The following ST3GAL1 variants were observed in gnomAD, a reference collection of about 807,000 sequenced individuals.
The protein encoded by ST3GAL1 is ST3 beta-galactoside alpha-2,3-sialyltransferase 1.
ST3GAL1 carries 16 observed loss-of-function variants against 34.1 expected under a neutral mutation model. The ratio of observed to expected loss-of-function variants is 0.47; its 90% CI spans 0.32 to 0.71. The LOEUF (loss-of-function observed/expected upper bound fraction) is 0.71. Ranked by LOEUF, ST3GAL1 falls within the 30% of genes least tolerant of loss-of-function variation. ST3GAL1 has a pLI of 0.04. For synonymous variants in ST3GAL1, 191 were observed against 184.7 expected (o/e 1.03, Z -0.28); for missense variants, 353 against 447.4 (o/e 0.79, Z 1.90).
chr8:133,526,404 G>A (rs1817975923), intron 2 of ST3GAL1, among the ~76,000 whole-genome samples: 1 of 152,096 alleles, frequency 6.6e-6, no homozygotes, highest in Non-Finnish European at 1.5e-5. Flanking sequence ...CAACCACCCA[G>A]GGCCACAAAA....
rs60331809 is a variant in ST3GAL1, at chr8:133,543,326, T to C, written c.-429+2448A>G. Among the ~76,000 whole-genome samples, 217 of 152,350 alleles carry C rather than the reference T, an allele frequency of 1.4e-3. 1 individual carries two copies. The highest frequency in any genetic ancestry group is 5.1e-3 in the African/African-American group (212 of 41,588). The stretch of plus-strand genomic sequence containing the variant: ...AAAGACACATGCCAACTGGCTTTTC[T>C]TTTGCCTTGAAGGAATTTAGCAGGG... On this transcript the variant is annotated intron_variant, in intron 2 of 9. Coordinates refer to ENST00000522652, the MANE Select transcript of ST3GAL1 (RefSeq NM_173344.3).
At position 133,553,674 on chromosome 8, in the gene ST3GAL1, C is replaced by T. The variant is rs139167598; in HGVS notation, c.-581-7748G>A. On this transcript the variant is annotated intron_variant, in intron 1 of 9. Transcript: ENST00000522652. ...TGGTATGCTTGTTGAGAAGTGGTAGCGAGTATCTTTCTGTTATCATCATTT... is the reference window on the plus strand; with the variant it reads ...TGGTATGCTTGTTGAGAAGTGGTAGTGAGTATCTTTCTGTTATCATCATTT... Among the ~76,000 whole-genome samples the T allele has an allele frequency of 4.1e-4, 62 of 152,248 alleles. 1 individual carries two copies. The East Asian group carries it at 0.01, about 25-fold the overall frequency.
Position 133,541,152 on chromosome 8 carries a change from G to GAGAGAGAC in ST3GAL1, c.-429+4621_-429+4622insGTCTCTCT, listed in dbSNP as rs1159713676. Among the ~76,000 whole-genome samples the GAGAGAGAC allele has an allele frequency of 2.3e-4, 31 of 136,644 alleles. 3 individuals carry two copies. Among genetic ancestry groups the GAGAGAGAC allele is most frequent in the African/African-American group, 7.4e-4 (26 of 35,194 alleles). The allele number at this position is 136,644 out of a possible 152,430, so 89.6% of individuals were successfully genotyped here. A position where few individuals can be genotyped will look rare whatever the true frequency, so the allele number is the denominator to read the frequency against. Reference sequence around the variant, plus strand: ...AGAGAGAGAGAGAGAGAGAGAGAGAGACTGTGTGTCTCTCCCTCTTTCTCA... The same window carrying GAGAGAGAC: ...AGAGAGAGAGAGAGAGAGAGAGAGAGAGAGAGACACTGTGTGTCTCTCCCTCTTTCTCA... On this transcript the variant is annotated intron_variant, in intron 2 of 9. Transcript: ENST00000522652.
chr8:133,495,007 C>T (rs527838315), intron 3 of ST3GAL1, among the ~76,000 whole-genome samples: 1 of 150,156 alleles, frequency 6.7e-6, no homozygotes, highest in South Asian at 2.1e-4. Context: ...CAACCTTCAC[C>T]TCCTGGGTTC....
intron 2 of ST3GAL1, among the ~76,000 whole-genome samples, chr8:133,521,268 G>A (rs1341779727): frequency 6.6e-6 from 1 of 151,510 alleles, no homozygotes; most frequent in Admixed American, 6.6e-5. Flanking sequence ...CAAGTAGCTG[G>A]GATTACAGGT....
intron 2 of ST3GAL1, among the ~76,000 whole-genome samples, chr8:133,541,118 T>TAGAGAGAG (rs1243400532): frequency 0.015 from 777 of 52,088 alleles, 87 homozygotes; most frequent in African/African-American, 0.025. Context: ...TATATATATA[T>TAGAGAGAG]ATAGAGAGAG....
chr8:133,475,830 G>C lies in ST3GAL1; in HGVS notation c.195C>G (p.Ile65Met). 4 of 1,614,136 alleles carry C rather than the reference G, an allele frequency of 2.5e-6. No individual in the cohort carries two copies. Among genetic ancestry groups the C allele is most frequent in the Non-Finnish European group, 2.5e-6 (3 of 1,180,022 alleles). Residue 65 changes from isoleucine (I) to methionine (M), a missense_variant, in exon 5 of 10, where the codon ATC becomes ATG. Coordinates refer to ENST00000522652, the MANE Select transcript of ST3GAL1 (RefSeq NM_173344.3). Reference sequence around the variant, plus strand: ...ACCAGGCCGAGAGCTTGCGCTGCCCGATGCAGTGGGTGCAGGTGCAAGGCC... The same window carrying C: ...ACCAGGCCGAGAGCTTGCGCTGCCCCATGCAGTGGGTGCAGGTGCAAGGCC... ...KHRPCTCTHC[I>M]GQRKLSAWFD...
chr8:133,531,448 A>G (rs1818150479), intron 2 of ST3GAL1, among the ~76,000 whole-genome samples: 1 of 152,158 alleles, frequency 6.6e-6, no homozygotes, highest in Admixed American at 6.5e-5. Context: ...TAATCCTACG[A>G]GTAGCTACTA....
chr8:133,512,493 G>A (rs1175911733), intron 2 of ST3GAL1, among the ~76,000 whole-genome samples: 1 of 152,148 alleles, frequency 6.6e-6, no homozygotes, highest in Admixed American at 6.5e-5. Flanking sequence ...ATCTCCTTTA[G>A]TAACACTCTC....
intron 2 of ST3GAL1, among the ~76,000 whole-genome samples, chr8:133,518,818 C>T (rs1817717931): frequency 6.6e-6 from 1 of 152,202 alleles, no homozygotes; most frequent in South Asian, 2.1e-4. Flanking sequence ...TAATCCCCAG[C>T]TTGCAAGTAA....
chr8:133,568,138 C>T (rs1221579270), intron 1 of ST3GAL1, among the ~76,000 whole-genome samples: 1 of 152,148 alleles, frequency 6.6e-6, no homozygotes, highest in Non-Finnish European at 1.5e-5. Flanking sequence ...GCCAGCTGGT[C>T]TCAAACTCCT....
intron 2 of ST3GAL1, among the ~76,000 whole-genome samples, chr8:133,535,079 G>A (rs1350536717): frequency 6.6e-6 from 1 of 152,202 alleles, no homozygotes; most frequent in Non-Finnish European, 1.5e-5. Context: ...AGTGGAAAGC[G>A]GGAGGAGGAG....
chr8:133,529,392 G>A (rs1471318203), intron 2 of ST3GAL1, among the ~76,000 whole-genome samples: 1 of 152,222 alleles, frequency 6.6e-6, no homozygotes, highest in Non-Finnish European at 1.5e-5. Context: ...AAATGTACAA[G>A]GTCGTAAAAC....
intron 1 of ST3GAL1, among the ~76,000 whole-genome samples, chr8:133,557,118 TAGAC>T (rs1819060367): frequency 1.3e-5 from 2 of 152,238 alleles, no homozygotes; most frequent in South Asian, 4.1e-4. Flanking sequence ...AAAGCCTGAT[TAGAC>T]AGTGAATGGG....
intron 2 of ST3GAL1, among the ~76,000 whole-genome samples, chr8:133,536,521 T>A (rs1028893573): frequency 6.6e-6 from 1 of 152,208 alleles, no homozygotes; most frequent in African/African-American, 2.4e-5. Context: ...CCTCTGGGCC[T>A]GGCCACAGTG....
intron 2 of ST3GAL1, among the ~76,000 whole-genome samples, chr8:133,542,587 C>G (rs1818563121): frequency 6.6e-6 from 1 of 151,964 alleles, no homozygotes; most frequent in Admixed American, 6.6e-5. Context: ...CCAGCCTGGC[C>G]AACATGATGA....
intron 2 of ST3GAL1, among the ~76,000 whole-genome samples, chr8:133,527,806 T>C (rs1347573023): frequency 1.3e-5 from 2 of 152,062 alleles, no homozygotes; most frequent in African/African-American, 4.8e-5. Flanking sequence ...GCATCATAAC[T>C]CCTTGAAGTC....
Position 133,464,964 on chromosome 8 carries a change from G to T in ST3GAL1, c.504-7C>A. On this transcript the variant is annotated splice_polypyrimidine_tract_variant and splice_region_variant and intron_variant, in intron 6 of 9. Coordinates refer to ENST00000522652, the MANE Select transcript of ST3GAL1 (RefSeq NM_173344.3). ...CGTGGGCGCCTTGTTCATCCTGGGA[G>T]AGAAGGGGAGAAAGCTGAGTCTTGT... 1 of 1,610,808 alleles carries T rather than the reference G, an allele frequency of 6.2e-7. No homozygotes were observed. Among genetic ancestry groups the T allele is most frequent in the Non-Finnish European group, 8.5e-7 (1 of 1,177,812 alleles).
At position 133,570,471 on chromosome 8, in the gene ST3GAL1, A is replaced by T. The variant is rs1819534182; in HGVS notation, c.-582+1222T>A. The T allele has an allele frequency of 6.6e-6, 1 of 150,916 alleles. No individual in the cohort carries two copies. The highest frequency in any genetic ancestry group is 2.1e-4 in the South Asian group (1 of 4,754). The allele number at this position is 150,916 out of a possible 1,614,324, so 9.3% of individuals were successfully genotyped here. ...GTGCGCACGTGTCCCCTCGCCCAAC[A>T]CACCACCGAGCCCCGCGCATGGTAC... is the stretch of plus-strand genomic sequence containing the variant. On this transcript the variant is annotated intron_variant, in intron 1 of 9. Transcript: ENST00000522652. This position sits in a 1 kb window ranked among gnomAD's most constrained non-coding sequence, Gnocchi z 5.6.
Sources: gnomAD v4.1 joint callset for allele counts (sites outside exome capture counted in the v4.1 genomes callset) on GRCh38, gnomAD v4.1.1 for gene constraint, Gnocchi (gnomAD v3.1) non-coding constraint, MANE v1.5 for transcripts, NCBI Gene and HGNC (gene_info 2026-07-23, HGNC 2026-07-21) for gene names.